Variants in EPHA5 observed in about 807,000 individuals in gnomAD.
EPHA5 encodes the protein EPH receptor A5.
In EPHA5, 60 loss-of-function variants were observed where a neutral mutation model predicts 105.0. The observed-to-expected ratio is 0.57, with a 90% CI of 0.46 to 0.71. The LOEUF (loss-of-function observed/expected upper bound fraction) is 0.71. EPHA5 is among the 30% of genes least tolerant of loss of function. The pLI is 0.00. For synonymous variants in EPHA5, 513 were observed against 449.1 expected (o/e 1.14, Z -1.80); for missense variants, 1,218 against 1,274.7 (o/e 0.96, Z 0.68).
chr4:65,358,283 C>T (rs1235190609), intron 11 of EPHA5, among the ~76,000 whole-genome samples: 3 of 151,460 alleles, frequency 2.0e-5, no homozygotes, highest in Admixed American at 6.6e-5. Context: ...CCACTTAAGG[C>T]TATCAGTGAA....
intron 3 of EPHA5, among the ~76,000 whole-genome samples, chr4:65,585,402 G>A (rs1742022777): frequency 6.6e-6 from 1 of 151,532 alleles, no homozygotes; most frequent in Admixed American, 6.6e-5. Context: ...ATCTTACCTA[G>A]GAGTTGAAAC....
intron 3 of EPHA5, among the ~76,000 whole-genome samples, chr4:65,541,583 G>A (rs1194807964): frequency 6.6e-6 from 1 of 151,930 alleles, no homozygotes. Flanking sequence ...CAACACAGGA[G>A]CACCCAGATT....
intron 5 of EPHA5, among the ~76,000 whole-genome samples, chr4:65,424,439 G>A (rs542216184): frequency 6.6e-6 from 1 of 151,958 alleles, no homozygotes; most frequent in African/African-American, 2.4e-5. Context: ...TTATAAATGT[G>A]CTTTCAATCT....
At chr4:65,375,187 G>T (rs75883979) in intron 8 of EPHA5, among the ~76,000 whole-genome samples, 4,064 of 151,828 alleles carry the variant, frequency 0.027, 177 homozygotes, top group African/African-American at 0.092. Flanking sequence ...ATTTTACCAA[G>T]AATATATTTT....
intron 1 of EPHA5, among the ~76,000 whole-genome samples, chr4:65,650,391 CAAAAA>C (rs11345574): frequency 2.9e-5 from 4 of 136,906 alleles, no homozygotes; most frequent in African/African-American, 2.8e-5. Context: ...ACTAAACATA[CAAAAA>C]AAAAAAAAAA....
At chr4:65,587,729 G>C (rs1036648927) in intron 3 of EPHA5, among the ~76,000 whole-genome samples, 2 of 152,086 alleles carry the variant, frequency 1.3e-5, no homozygotes, top group African/African-American at 4.8e-5. Flanking sequence ...TCTTTGCTTT[G>C]CTCACTCAGT....
intron 6 of EPHA5, among the ~76,000 whole-genome samples, chr4:65,417,647 G>T (rs544882687): frequency 6.6e-6 from 1 of 151,722 alleles, no homozygotes; most frequent in African/African-American, 2.4e-5. Context: ...GAGTTATACA[G>T]ATCATATAAT....
intron 3 of EPHA5, among the ~76,000 whole-genome samples, chr4:65,570,529 A>G (rs184405752): frequency 1.3e-5 from 2 of 151,238 alleles, no homozygotes; most frequent in Admixed American, 6.6e-5. Flanking sequence ...AAATTGATTT[A>G]ATATCTTAGT....
At chr4:65,474,895 C>T (rs1481466981) in intron 5 of EPHA5, among the ~76,000 whole-genome samples, 1 of 152,046 alleles carries the variant, frequency 6.6e-6, no homozygotes, top group Non-Finnish European at 1.5e-5. Flanking sequence ...ATTGAGACTC[C>T]CCAAACAACT....
chr4:65,470,914 A>T (rs1437839968), intron 5 of EPHA5, among the ~76,000 whole-genome samples: 1 of 152,230 alleles, frequency 6.6e-6, no homozygotes, highest in Non-Finnish European at 1.5e-5. Context: ...AATTAGGAGT[A>T]TGTGCCTATA....
intron 3 of EPHA5, among the ~76,000 whole-genome samples, chr4:65,554,696 T>A (rs542737172): frequency 4.2e-4 from 64 of 152,018 alleles, no homozygotes; most frequent in Non-Finnish European, 8.5e-4. Flanking sequence ...TCATTAAACA[T>A]CTTTTCATGT....
At chr4:65,567,337 G>C (rs1034100485) in intron 3 of EPHA5, among the ~76,000 whole-genome samples, 1 of 151,466 alleles carries the variant, frequency 6.6e-6, no homozygotes, top group Admixed American at 6.6e-5. Context: ...TTAATACTTG[G>C]TCTTGAAATG....
At chr4:65,487,658 C>G (rs563187625) in intron 5 of EPHA5, among the ~76,000 whole-genome samples, 1 of 152,260 alleles carries the variant, frequency 6.6e-6, no homozygotes, top group South Asian at 2.1e-4. Context: ...TGCAGGAGGA[C>G]AGATTCAGCT....
intron 3 of EPHA5, among the ~76,000 whole-genome samples, chr4:65,529,060 T>A (rs984277570): frequency 6.6e-6 from 1 of 152,170 alleles, no homozygotes; most frequent in Admixed American, 6.5e-5. Context: ...AATTAAAACA[T>A]CTCACAGTTT....
chr4:65,523,872 G>A (rs566754910), intron 3 of EPHA5, among the ~76,000 whole-genome samples: 10 of 151,878 alleles, frequency 6.6e-5, no homozygotes, highest in African/African-American at 2.2e-4. Context: ...AAGAAGGGAC[G>A]AAATGGTGGA....
intron 1 of EPHA5, among the ~76,000 whole-genome samples, chr4:65,665,883 T>C (rs530842241): frequency 1.3e-5 from 2 of 152,310 alleles, no homozygotes; most frequent in East Asian, 1.9e-4. Flanking sequence ...ATAGGGGTAA[T>C]AGCTCTCTTT....
intron 1 of EPHA5, among the ~76,000 whole-genome samples, chr4:65,659,334 A>G (rs1185870095): frequency 3.9e-4 from 13 of 33,392 alleles, no homozygotes; most frequent in African/African-American, 6.0e-4. Context: ...AAAAAAAAAA[A>G]AAAAAAAAAA....
intron 3 of EPHA5, among the ~76,000 whole-genome samples, chr4:65,570,114 G>A (rs1739967800): frequency 6.6e-6 from 1 of 151,654 alleles, no homozygotes; most frequent in African/African-American, 2.4e-5. Flanking sequence ...TTCCAACACT[G>A]TATGAGTTCA....
chr4:65,602,222 T>C lies in EPHA5; in HGVS notation c.329A>G (p.Asn110Ser). 1 of 1,613,488 alleles carries C rather than the reference T, an allele frequency of 6.2e-7. No individual in the cohort carries two copies. Among genetic ancestry groups the C allele is most frequent in the Non-Finnish European group, 8.5e-7 (1 of 1,179,988 alleles). The change falls in exon 3 of 17, where the codon AAT becomes AGT. Residue 110 changes from asparagine to serine, a missense_variant. Physicochemically the swap from Asn to Ser is conservative, Grantham distance 46. This residue lies in a region of EPHA5 where 233 missense variants were observed against 227.5 expected (regional missense o/e 1.02). Coordinates refer to ENST00000613740, the MANE Select transcript of EPHA5 (RefSeq NM_001281766.3). ...QVCKVMEQNQ[N>S]NWLLTSWISN... ...GATCCAACTGGTCAAAAGCCAGTTA[T>C]TCTGATTCTGTTCCATCACTTTGCA...
Sources: gnomAD v4.1 joint callset for allele counts (sites outside exome capture counted in the v4.1 genomes callset) on GRCh38, gnomAD v4.1.1 for gene constraint, gnomAD v4.1.1 regional missense constraint, MANE v1.5 for transcripts, NCBI Gene and HGNC (gene_info 2026-07-23, HGNC 2026-07-21) for gene names.